Variants in DLG1 observed in about 807,000 individuals in gnomAD.
The protein encoded by DLG1 is disks large homolog 1.
A neutral mutation model predicts 123.4 loss-of-function variants in DLG1; 42 were observed. The observed-to-expected ratio is 0.34, with a 90% CI of 0.27 to 0.44. The LOEUF is 0.44. DLG1 is among the 20% of genes least tolerant of loss of function. The pLI, the probability that DLG1 is intolerant of heterozygous loss-of-function variation, is 1.00. For synonymous variants in DLG1, 317 were observed against 356.2 expected, an observed-to-expected ratio of 0.89 and a Z score of 1.24; for missense variants, 942 against 1,082.6, an observed-to-expected ratio of 0.87 and a Z score of 1.82.
chr3:197,090,963 C>T lies in DLG1; in HGVS notation c.1610G>A (p.Ser537Asn), dbSNP rs1757417376. The T allele has an allele frequency of 1.2e-6, 2 of 1,612,092 alleles. No homozygotes were observed. The highest frequency in any genetic ancestry group is 8.5e-7 in the Non-Finnish European group (1 of 1,178,700). ...AGTTCGAAGAGAACCTGACCCTGAA[C>T]TAATACTACTATTCATCATCTGCTC... Reference protein sequence around the residue: ...LREQMMNSSISSGSGSLRTSQ... With the variant: ...LREQMMNSSINSGSGSLRTSQ... Residue 537 changes from serine to asparagine, a missense_variant, in exon 15 of 25, where the codon AGT (serine) becomes AAT (asparagine). Physicochemically the swap from Ser to Asn is conservative, Grantham distance 46. Transcript: ENST00000667157.
chr3:197,292,632 T>C (rs79723067), intron 3 of DLG1, among the ~76,000 whole-genome samples: 5,614 of 152,274 alleles, frequency 0.037, 167 homozygotes, highest in South Asian at 0.051. Flanking sequence ...CAAATAAAGA[T>C]AGGGTAATGT....
At chr3:197,272,095 G>A (rs1461627206) in intron 4 of DLG1, among the ~76,000 whole-genome samples, 1 of 152,172 alleles carries the variant, frequency 6.6e-6, no homozygotes, top group Non-Finnish European at 1.5e-5. Flanking sequence ...TAACTCACAA[G>A]CTGCAACTCT....
intron 14 of DLG1, among the ~76,000 whole-genome samples, chr3:197,097,612 G>A (rs1358885920): frequency 1.6e-5 from 2 of 128,598 alleles, no homozygotes; most frequent in African/African-American, 2.9e-5. Flanking sequence ...AGAGAGTCTC[G>A]CTCTGTCATC....
rs1427915349 is a variant in DLG1 at position 197,296,575 on chromosome 3, G to A, written c.20-98C>T. ...TTCTGCATGACATCTAAATAGTTCC[G>A]CAAATCCTTCAGGTCAATTGATGTC... On this transcript the variant is annotated intron_variant, in intron 2 of 24. Coordinates refer to ENST00000667157, the MANE Select transcript of DLG1 (RefSeq NM_001366207.1). The A allele has an allele frequency of 6.4e-6, 7 of 1,101,884 alleles. No individual in the cohort carries two copies. In the East Asian group the frequency reaches 9.6e-5, roughly 15 times the overall value. 68.3% of individuals were successfully genotyped at this position (1,101,884 alleles called of 1,614,324 possible). A position where few individuals can be genotyped will look rare whatever the true frequency, so the allele number is the denominator to read the frequency against.
intron 5 of DLG1, among the ~76,000 whole-genome samples, chr3:197,190,436 T>C (rs1190343412): frequency 6.6e-6 from 1 of 152,200 alleles, no homozygotes; most frequent in Non-Finnish European, 1.5e-5. Context: ...ACTTGGGTTT[T>C]GCATCCTACA....
intron 5 of DLG1, among the ~76,000 whole-genome samples, chr3:197,190,664 G>A (rs1226995030): frequency 6.6e-6 from 1 of 152,136 alleles, no homozygotes; most frequent in Non-Finnish European, 1.5e-5. Flanking sequence ...CACATCCCAA[G>A]ATTGATCACC....
At chr3:197,108,700 C>T (rs1560726090) in intron 13 of DLG1, among the ~76,000 whole-genome samples, 1 of 152,056 alleles carries the variant, frequency 6.6e-6, no homozygotes. Flanking sequence ...CTTTTGGTTA[C>T]TTTTTGTGTA....
At chr3:197,060,418 G>A (rs1734976196) in intron 22 of DLG1, among the ~76,000 whole-genome samples, 3 of 152,266 alleles carry the variant, frequency 2.0e-5, no homozygotes, top group South Asian at 4.2e-4. Context: ...ATAGGCATGA[G>A]CCACTGTGCC....
intron 23 of DLG1, among the ~76,000 whole-genome samples, chr3:197,057,833 T>C (rs1455158417): frequency 2.0e-5 from 3 of 152,194 alleles, no homozygotes; most frequent in Admixed American, 2.0e-4. Context: ...TTCTTTCTTT[T>C]CTTGATCACT....
intron 24 of DLG1, among the ~76,000 whole-genome samples, chr3:197,046,294 GA>G (rs1473163282): frequency 6.6e-6 from 1 of 152,158 alleles, no homozygotes; most frequent in Non-Finnish European, 1.5e-5. Context: ...AAACAGTCAG[GA>G]ACTGACTTGG....
intron 17 of DLG1, 63 bp from the exon 18 acceptor site, chr3:197,076,748 G>T: frequency 7.9e-7 from 1 of 1,265,980 alleles, no homozygotes; most frequent in Non-Finnish European, 1.1e-6. Flanking sequence ...CAAAGGCCCA[G>T]CCTAGCAGCT....
chr3:197,206,812 G>A (rs1384944169), intron 4 of DLG1, among the ~76,000 whole-genome samples: 2 of 139,840 alleles, frequency 1.4e-5, no homozygotes, highest in Admixed American at 7.5e-5. Context: ...GAAAATCCAA[G>A]AGAAATGTAA....
In DLG1 at chr3:197,044,732, G is replaced by C. The variant is rs1241754277; in HGVS notation, c.2576-3C>G. On this transcript the variant is annotated splice_polypyrimidine_tract_variant and splice_region_variant and intron_variant, in intron 24 of 24. Transcript: ENST00000667157. ...CAGCGTATCCCCCTGTACAATAGCT[G>C]TAATGATAGAAACAAAATCAGAAAT... 2 of 1,507,206 alleles carry C rather than the reference G, an allele frequency of 1.3e-6. No individual in the cohort carries two copies. Among genetic ancestry groups the C allele is most frequent in the Non-Finnish European group, 1.8e-6 (2 of 1,114,240 alleles). 93.4% of individuals were successfully genotyped at this position (1,507,206 alleles called of 1,614,324 possible).
chr3:197,257,392 C>T (rs755942647), intron 4 of DLG1, among the ~76,000 whole-genome samples: 1 of 152,146 alleles, frequency 6.6e-6, no homozygotes, highest in Non-Finnish European at 1.5e-5. Context: ...CAAACATCCC[C>T]ACACACGGGC....
intron 4 of DLG1, among the ~76,000 whole-genome samples, chr3:197,213,424 C>T (rs1185690470): frequency 6.6e-6 from 1 of 152,006 alleles, no homozygotes; most frequent in Non-Finnish European, 1.5e-5. Flanking sequence ...TGAATGAATA[C>T]CAAGGAGCAC....
At chr3:197,168,452 A>G (rs1802482427) in intron 5 of DLG1, among the ~76,000 whole-genome samples, 1 of 152,246 alleles carries the variant, frequency 6.6e-6, no homozygotes, top group African/African-American at 2.4e-5. Flanking sequence ...ATGAAGGCTG[A>G]CTGATGAGGA....
intron 14 of DLG1, among the ~76,000 whole-genome samples, chr3:197,104,218 A>G (rs1765080686): frequency 1.3e-5 from 2 of 152,172 alleles, no homozygotes; most frequent in Non-Finnish European, 2.9e-5. Flanking sequence ...CATTATTACT[A>G]TATCTGCTTA....
intron 11 of DLG1, among the ~76,000 whole-genome samples, chr3:197,121,485 T>A (rs1436754626): frequency 2.0e-5 from 3 of 152,068 alleles, no homozygotes; most frequent in African/African-American, 4.8e-5. Flanking sequence ...AAAGAGAATA[T>A]AAGTTAAAAG....
chr3:197,293,269 T>C (rs1775793119), intron 3 of DLG1, among the ~76,000 whole-genome samples: 1 of 152,216 alleles, frequency 6.6e-6, no homozygotes, highest in Non-Finnish European at 1.5e-5. Context: ...TTTAAATATT[T>C]AGCTCTAAAG....
Sources: gnomAD v4.1 joint callset for allele counts (sites outside exome capture counted in the v4.1 genomes callset) on GRCh38, gnomAD v4.1.1 for gene constraint, MANE v1.5 for transcripts, NCBI Gene and HGNC (gene_info 2026-07-23, HGNC 2026-07-21) for gene names.